Variants in NPNT observed in about 807,000 individuals in gnomAD.
The protein encoded by NPNT is preosteoblast EGF-like repeat protein with MAM domain.
Under a neutral mutation model 68.6 loss-of-function variants are expected in NPNT, and 45 were observed. The observed-to-expected ratio is 0.66, with a 90% CI of 0.52 to 0.84. The LOEUF (loss-of-function observed/expected upper bound fraction) is 0.84, where lower values mean the gene tolerates loss of function less well. Ranked by LOEUF, NPNT falls within the 40% of genes least tolerant of loss-of-function variation. The pLI is 0.00. For synonymous variants in NPNT, 233 were observed against 253.3 expected (o/e 0.92, Z 0.76); for missense variants, 672 against 714.8 (o/e 0.94, Z 0.68).
chr4:105,951,731 A>G (rs550626202), intron 8 of NPNT, among the ~76,000 whole-genome samples: 61 of 152,314 alleles, frequency 4.0e-4, no homozygotes, highest in Non-Finnish European at 7.9e-4. Flanking sequence ...TTTGATTTAT[A>G]TTTTAATTAG....
chr4:105,919,533 C>G (rs1036160197), intron 2 of NPNT, among the ~76,000 whole-genome samples: 1 of 152,070 alleles, frequency 6.6e-6, no homozygotes. Context: ...TCAAACACTG[C>G]ATTTAGTTGA....
intron 4 of NPNT, among the ~76,000 whole-genome samples, chr4:105,937,714 C>T (rs1274106374): frequency 6.6e-5 from 10 of 152,236 alleles, no homozygotes; most frequent in African/African-American, 2.4e-4. Context: ...CATGTTTTCA[C>T]CATCATTTGG....
At chr4:105,900,845 T>A (rs912845847) in intron 2 of NPNT, among the ~76,000 whole-genome samples, 2 of 151,724 alleles carry the variant, frequency 1.3e-5, no homozygotes, top group Non-Finnish European at 2.9e-5. Context: ...TTTTTTTTTT[T>A]TTTTTTTTTG....
chr4:105,937,311 C>A (rs1329956648), intron 4 of NPNT, among the ~76,000 whole-genome samples, 183 bp downstream of exon 4: 1 of 152,034 alleles, frequency 6.6e-6, no homozygotes, highest in African/African-American at 2.4e-5. Flanking sequence ...GTATAATACT[C>A]TTCTATCACG....
chr4:105,895,901 G>A (rs958134623), intron 1 of NPNT, 178 bp downstream of exon 1: 3 of 596,432 alleles, frequency 5.0e-6, no homozygotes, highest in Non-Finnish European at 8.8e-6. Flanking sequence ...GTGCCCGCCC[G>A]AGGCGGAGAG....
At chr4:105,949,349 T>C (rs1263597633) in intron 8 of NPNT, among the ~76,000 whole-genome samples, 1 of 152,162 alleles carries the variant, frequency 6.6e-6, no homozygotes, top group African/African-American at 2.4e-5. Flanking sequence ...TGGGCTAAAC[T>C]AGGAAGTATG....
Position 105,946,057 on chromosome 4 carries a change from A to G in NPNT, c.1159+3355A>G, listed in dbSNP as rs146582525. On this transcript the variant is annotated intron_variant, in intron 8 of 11. Coordinates refer to ENST00000379987, the MANE Select transcript of NPNT (RefSeq NM_001033047.3). ...CCAGAAATCAGATTTTTTTAAAGTT[A>G]CGTGTACATTTGTCTATAGAGTTAT... 6.5e-3 allele frequency among the ~76,000 whole-genome samples: 985 copies of G among 152,320 alleles called. 24 individuals carry two copies. Among genetic ancestry groups the G allele is most frequent in the Non-Finnish European group, 4.4e-3 (298 of 68,014 alleles).
intron 2 of NPNT, among the ~76,000 whole-genome samples, chr4:105,900,805 T>C (rs1040850402): frequency 4.0e-5 from 6 of 151,576 alleles, no homozygotes; most frequent in African/African-American, 1.5e-4. Flanking sequence ...TGTGTTTTCA[T>C]AGTTCTTTTG....
At chr4:105,931,668 C>CAA (rs59960189) in intron 3 of NPNT, among the ~76,000 whole-genome samples, 7 of 99,926 alleles carry the variant, frequency 7.0e-5, no homozygotes, top group African/African-American at 1.8e-4. Flanking sequence ...ACTAAAAATA[C>CAA]AAAAAAAAAA....
intron 2 of NPNT, among the ~76,000 whole-genome samples, chr4:105,922,049 A>G (rs941052033): frequency 5.9e-5 from 9 of 152,168 alleles, no homozygotes; most frequent in African/African-American, 1.9e-4. Flanking sequence ...GCATAATAAC[A>G]TGATGTAGAT....
At chr4:105,922,782 G>A (rs1248286686) in intron 2 of NPNT, among the ~76,000 whole-genome samples, 1 of 152,172 alleles carries the variant, frequency 6.6e-6, no homozygotes, top group Non-Finnish European at 1.5e-5. Context: ...AGGAATGCTA[G>A]AGAGCAAATT....
In NPNT at chr4:105,970,319, A is replaced by G; in HGVS notation, c.*1329A>G. 1.1e-5 allele frequency: 7 copies of G among 648,126 alleles called. No homozygotes were observed. Among genetic ancestry groups the G allele is most frequent in the South Asian group, 1.7e-5 (1 of 57,854 alleles). The allele number at this position is 648,126 out of a possible 1,614,324, so 40.1% of individuals were successfully genotyped here. A position where few individuals can be genotyped will look rare whatever the true frequency, so the allele number is the denominator to read the frequency against. On this transcript the variant is annotated 3_prime_UTR_variant, in exon 12 of 12. Transcript: ENST00000379987. Reference sequence around the variant, plus strand: ...AAAAACAATGTAACTTTTAAAAGGCATCATTCCTGAGGTTTGTCTTAATTT... The same window carrying G: ...AAAAACAATGTAACTTTTAAAAGGCGTCATTCCTGAGGTTTGTCTTAATTT...
intron 10 of NPNT, 93 bp from the exon 11 acceptor site, chr4:105,967,091 AAAAG>A: frequency 1.6e-6 from 2 of 1,257,528 alleles, no homozygotes; most frequent in Non-Finnish European, 2.2e-6. Context: ...CTTTACAAAG[AAAAG>A]AAAAAAAAAA....
Position 105,938,380 on chromosome 4 carries a change from C to G in NPNT, c.465C>G (p.Ser155=). 1 of 1,613,676 alleles carries G rather than the reference C, an allele frequency of 6.2e-7. No individual in the cohort carries two copies. Among genetic ancestry groups the G allele is most frequent in the Non-Finnish European group, 8.5e-7 (1 of 1,179,764 alleles). Residue 155 remains serine (S), a synonymous_variant, in exon 5 of 12, where the codon TCC becomes TCG. Coordinates refer to ENST00000379987, the MANE Select transcript of NPNT (RefSeq NM_001033047.3). ...VKGQIRCQCP[S]PGLQLAPDGR... ...GACAAATACGGTGCCAGTGCCCATC[C>G]CCTGGCCTGCAGCTGGCTCCTGATG... is the stretch of plus-strand genomic sequence containing the variant.
chr4:105,903,886 G>A (rs1037491116), intron 2 of NPNT, among the ~76,000 whole-genome samples: 1 of 150,530 alleles, frequency 6.6e-6, no homozygotes, highest in Non-Finnish European at 1.5e-5. Flanking sequence ...CTGGGCTCAA[G>A]CCATCCTCCC....
chr4:105,938,931 T>TA (rs1729712264), intron 5 of NPNT, among the ~76,000 whole-genome samples: 3 of 152,204 alleles, frequency 2.0e-5, no homozygotes, highest in Admixed American at 1.3e-4. Context: ...TTCTTATCTT[T>TA]AAAATGGAAA....
At chr4:105,924,161 T>A (rs892099434) in intron 2 of NPNT, among the ~76,000 whole-genome samples, 1 of 152,096 alleles carries the variant, frequency 6.6e-6, no homozygotes. Flanking sequence ...ACACCCTCCT[T>A]GGTTCTTTCA....
At chr4:105,908,523 A>G (rs1468689445) in intron 2 of NPNT, among the ~76,000 whole-genome samples, 1 of 152,058 alleles carries the variant, frequency 6.6e-6, no homozygotes, top group Non-Finnish European at 1.5e-5. Flanking sequence ...TTTTGGATTT[A>G]TGCTTACTTT....
chr4:105,938,765 GA>G (rs1729698871), intron 5 of NPNT, among the ~76,000 whole-genome samples: 2 of 152,174 alleles, frequency 1.3e-5, no homozygotes, highest in South Asian at 4.1e-4. Flanking sequence ...TGAATAGCTA[GA>G]TTGTATGTGT....
Sources: allele counts gnomAD v4.1 joint callset (sites outside exome capture counted in the v4.1 genomes callset), GRCh38; gene constraint gnomAD v4.1.1; transcripts MANE v1.5; gene names NCBI Gene and HGNC (gene_info 2026-07-23, HGNC 2026-07-21).